CACNB4: variants seen among roughly 807,000 people sequenced by gnomAD.
CACNB4 encodes the protein calcium voltage-gated channel auxiliary subunit beta 4.
In CACNB4, 32 loss-of-function variants were observed where a neutral mutation model predicts 71.2. The observed-to-expected ratio is 0.45, with a 90% CI of 0.34 to 0.60. CACNB4 has a LOEUF of 0.60. CACNB4 is among the 20% of genes least tolerant of loss of function. The pLI is 0.01. For synonymous variants in CACNB4, 231 were observed against 236.9 expected, an observed-to-expected ratio of 0.97 and a Z score of 0.23; for missense variants, 464 against 647.9, an observed-to-expected ratio of 0.72 and a Z score of 3.08.
rs756963177 is a variant in CACNB4, at chr2:152,098,920, AGAG to A, written c.63+26_63+28del. 3 of 1,053,148 alleles carry A rather than the reference AGAG, an allele frequency of 2.8e-6. No homozygotes were observed. Among genetic ancestry groups the A allele is most frequent in the African/African-American group, 3.8e-5 (2 of 52,048 alleles). 65.2% of individuals were successfully genotyped at this position (1,053,148 alleles called of 1,614,324 possible). On this transcript the variant is annotated intron_variant, in intron 1 of 13. Coordinates refer to ENST00000539935, the MANE Select transcript of CACNB4 (RefSeq NM_000726.5). The surrounding 1 kb of genome is among the most constrained non-coding windows in gnomAD (Gnocchi z 5.3). ...GAGGTGTGAGGAAGGAAGAGGAGGA[AGAG>A]GAGAAGGGGGAGGAGGGGGCGGTAC...
At chr2:151,865,962 T>A (rs1230358425) in intron 9 of CACNB4, 3 of 152,102 alleles carry the variant, frequency 2.0e-5, no homozygotes. Flanking sequence ...ATTTTGTATT[T>A]TTATTAGAGA....
chr2:152,018,932 C>A lies in CACNB4; in HGVS notation c.147+79398G>T, dbSNP rs142792549. On this transcript the variant is annotated intron_variant, in intron 2 of 13. Transcript: ENST00000539935. ...TGAAAAGCTAGTATGAGGTCATTCT[C>A]TCTTAGGCAAGAGAGCTGCTAAGAA... Among the ~76,000 whole-genome samples, 2 of 152,026 alleles carry A rather than the reference C, an allele frequency of 1.3e-5. 1 individual carries two copies. Among genetic ancestry groups the A allele is most frequent in the East Asian group, 3.9e-4 (2 of 5,182 alleles).
At chr2:151,952,169 T>C (rs2099867063) in intron 2 of CACNB4, among the ~76,000 whole-genome samples, 1 of 152,150 alleles carries the variant, frequency 6.6e-6, no homozygotes, top group Non-Finnish European at 1.5e-5. Flanking sequence ...AAATATCAAC[T>C]AATCAGAGTA....
chr2:151,955,269 G>A (rs1355406916), intron 2 of CACNB4, among the ~76,000 whole-genome samples: 1 of 152,120 alleles, frequency 6.6e-6, no homozygotes, highest in Non-Finnish European at 1.5e-5. Flanking sequence ...ATCTTACTAT[G>A]CACTGAGAAC....
chr2:152,098,922 A>C lies in CACNB4; in HGVS notation c.63+27T>G. On this transcript the variant is annotated intron_variant, in intron 1 of 13. Coordinates refer to ENST00000539935, the MANE Select transcript of CACNB4 (RefSeq NM_000726.5). This position sits in a 1 kb window ranked among gnomAD's most constrained non-coding sequence, Gnocchi z 5.3. ...GGTGTGAGGAAGGAAGAGGAGGAAG[A>C]GGAGAAGGGGGAGGAGGGGGCGGTA... 9.2e-7 allele frequency: 1 copy of C among 1,085,990 alleles called. No homozygotes were observed. Among genetic ancestry groups the C allele is most frequent in the African/African-American group, 2.1e-5 (1 of 48,318 alleles). The allele number at this position is 1,085,990 out of a possible 1,614,324, so 67.3% of individuals were successfully genotyped here.
At chr2:151,841,566 C>T (rs144224166) in intron 13 of CACNB4, 80 of 252,020 alleles carry the variant, frequency 3.2e-4, no homozygotes, top group African/African-American at 1.7e-3. Flanking sequence ...CCAGCCTGAA[C>T]AACAGAGTGA....
chr2:152,075,197 T>TTACTTGCC (rs1431320241), intron 2 of CACNB4, among the ~76,000 whole-genome samples: 1 of 152,228 alleles, frequency 6.6e-6, no homozygotes, highest in East Asian at 1.9e-4. Flanking sequence ...TTTCACATTA[T>TTACTTGCC]TACTTGCCTA....
chr2:152,084,198 G>C (rs998646342), intron 2 of CACNB4, among the ~76,000 whole-genome samples: 3 of 152,190 alleles, frequency 2.0e-5, no homozygotes, highest in Admixed American at 2.0e-4. Context: ...AGGTCATGCT[G>C]CAGAAGCTGG....
intron 9 of CACNB4, among the ~76,000 whole-genome samples, chr2:151,863,753 T>A (rs2099842358): frequency 6.6e-6 from 1 of 152,212 alleles, no homozygotes; most frequent in African/African-American, 2.4e-5. Context: ...AACCTTTTCA[T>A]GTGTTCCAAT....
chr2:151,872,727 T>C, intron 5 of CACNB4: 3 of 368,842 alleles, frequency 8.1e-6, no homozygotes, highest in Non-Finnish European at 1.5e-5. Context: ...TTCTAGTTAC[T>C]CAGTGCGGAA....
intron 2 of CACNB4, among the ~76,000 whole-genome samples, chr2:151,916,666 C>T (rs759773817): frequency 2.2e-4 from 34 of 152,212 alleles, no homozygotes; most frequent in African/African-American, 8.0e-4. Context: ...ATTGAAACTA[C>T]GTACAATACC....
intron 9 of CACNB4, chr2:151,861,401 T>C (rs974802901): frequency 1.3e-5 from 2 of 152,362 alleles, no homozygotes; most frequent in African/African-American, 2.4e-5. Context: ...TGGTTTTATT[T>C]TTTCTGCATG....
intron 12 of CACNB4, among the ~76,000 whole-genome samples, chr2:151,846,070 A>G (rs2099837482): frequency 6.6e-6 from 1 of 152,240 alleles, no homozygotes; most frequent in South Asian, 2.1e-4. Flanking sequence ...GGTCTTTAAA[A>G]AAAAGTATTT....
At chr2:152,034,252 T>C (rs1040659311) in intron 2 of CACNB4, among the ~76,000 whole-genome samples, 3 of 152,220 alleles carry the variant, frequency 2.0e-5, no homozygotes, top group African/African-American at 7.2e-5. Flanking sequence ...AAGTCACGTC[T>C]TGCAAAGTAG....
rs557424811 is a variant in CACNB4, at chr2:151,871,573, A to G, written c.599-712T>C. 3.9e-5 allele frequency: 6 copies of G among 152,596 alleles called. No individual in the cohort carries two copies. In the East Asian group the frequency reaches 1.2e-3, roughly 29 times the overall value. The allele number at this position is 152,596 out of a possible 1,614,324, so 9.5% of individuals were successfully genotyped here. On this transcript the variant is annotated intron_variant, in intron 6 of 13. Transcript: ENST00000539935. Reference sequence around the variant, plus strand: ...CCAAGCAGCTCCAGTCTAGTTGGGTACAACTCAGAAACCTGGTTTGGTTCA... The same window carrying G: ...CCAAGCAGCTCCAGTCTAGTTGGGTGCAACTCAGAAACCTGGTTTGGTTCA...
chr2:151,957,260 G>GTATGTGTGTA (rs1191446339), intron 2 of CACNB4, among the ~76,000 whole-genome samples: 1 of 138,754 alleles, frequency 7.2e-6, no homozygotes, highest in African/African-American at 2.8e-5. Flanking sequence ...GGCTGGGCGT[G>GTATGTGTGTA]TGTGTGTGTG....
chr2:152,037,696 T>C (rs1478513793), intron 2 of CACNB4, among the ~76,000 whole-genome samples: 1 of 152,232 alleles, frequency 6.6e-6, no homozygotes, highest in African/African-American at 2.4e-5. Context: ...GATGACACTC[T>C]TCTTTTCCTA....
intron 2 of CACNB4, among the ~76,000 whole-genome samples, chr2:151,995,233 T>A (rs138637835): frequency 6.8e-6 from 1 of 146,604 alleles, no homozygotes; most frequent in African/African-American, 2.5e-5. Flanking sequence ...GTACTTTATA[T>A]GACAAAAATA....
chr2:151,991,692 ATCTG>A (rs959962338), intron 2 of CACNB4, among the ~76,000 whole-genome samples: 1 of 152,170 alleles, frequency 6.6e-6, no homozygotes, highest in African/African-American at 2.4e-5. Flanking sequence ...CTTTTTCTTC[ATCTG>A]TCTATTTTTC....
Sources: allele counts gnomAD v4.1 joint callset (sites outside exome capture counted in the v4.1 genomes callset), GRCh38; gene constraint gnomAD v4.1.1; non-coding constraint Gnocchi (gnomAD v3.1); transcripts MANE v1.5; gene names NCBI Gene and HGNC (gene_info 2026-07-23, HGNC 2026-07-21).